KPNA3: variants seen among roughly 807,000 people sequenced by gnomAD.
KPNA3 encodes karyopherin subunit alpha 3.
KPNA3 carries 13 observed loss-of-function variants against 73.8 expected under a neutral mutation model. The ratio of observed to expected loss-of-function variants is 0.18; its 90% confidence interval spans 0.11 to 0.28. The LOEUF (loss-of-function observed/expected upper bound fraction) is 0.28. Among genes scored for constraint, KPNA3 ranks in the 10% least tolerant of loss-of-function variants. The pLI, the probability that KPNA3 is intolerant of heterozygous loss-of-function variation, is 1.00. For synonymous variants in KPNA3, 186 were observed against 206.9 expected, an observed-to-expected ratio of 0.90 and a Z score of 0.87; for missense variants, 360 against 618.1, an observed-to-expected ratio of 0.58 and a Z score of 4.43.
chr13:49,734,309 A>G (rs1162699191), intron 2 of KPNA3, among the ~76,000 whole-genome samples: 3 of 152,242 alleles, frequency 2.0e-5, no homozygotes, highest in African/African-American at 7.2e-5. Context: ...AAACGTTCAC[A>G]ACTATGAGGT....
chr13:49,731,068 C>G (rs1039963229), intron 6 of KPNA3, among the ~76,000 whole-genome samples: 24 of 151,636 alleles, frequency 1.6e-4, no homozygotes, highest in Non-Finnish European at 2.9e-5. Context: ...GTGTGAGCCA[C>G]TGCACCCAGC....
chr13:49,715,620 AG>A (rs1256780233), intron 10 of KPNA3, among the ~76,000 whole-genome samples: 1 of 152,258 alleles, frequency 6.6e-6, no homozygotes, highest in African/African-American at 2.4e-5. Context: ...ACAGTAAAAA[AG>A]AAAAGATATA....
chr13:49,761,664 G>T (rs1465182716), intron 1 of KPNA3, among the ~76,000 whole-genome samples: 1 of 137,172 alleles, frequency 7.3e-6, no homozygotes, highest in Non-Finnish European at 1.6e-5. Flanking sequence ...CCGCCACCCC[G>T]TCTGGGAAGT....
chr13:49,750,133 G>A (rs1192217532), intron 1 of KPNA3, among the ~76,000 whole-genome samples: 1 of 152,138 alleles, frequency 6.6e-6, no homozygotes, highest in African/African-American at 2.4e-5. Flanking sequence ...CAATACATTT[G>A]CCAACCGGGA....
intron 2 of KPNA3, among the ~76,000 whole-genome samples, chr13:49,737,374 G>A (rs990589898): frequency 6.6e-6 from 1 of 152,134 alleles, no homozygotes; most frequent in Non-Finnish European, 1.5e-5. Context: ...TGTCACTACT[G>A]TTTATTTTAG....
chr13:49,754,944 AAAG>A (rs1363897742), intron 1 of KPNA3, among the ~76,000 whole-genome samples: 3 of 152,190 alleles, frequency 2.0e-5, no homozygotes, highest in Non-Finnish European at 4.4e-5. Flanking sequence ...CCAAATGCCT[AAAG>A]AAGAACTAAC....
At chr13:49,753,900 T>C (rs1034665592) in intron 1 of KPNA3, among the ~76,000 whole-genome samples, 1 of 152,180 alleles carries the variant, frequency 6.6e-6, no homozygotes. Context: ...GCCATAAAGG[T>C]TGGGGACCAC....
At chr13:49,775,084 C>A (rs920798071) in intron 1 of KPNA3, among the ~76,000 whole-genome samples, 1 of 134,150 alleles carries the variant, frequency 7.5e-6, no homozygotes, top group African/African-American at 2.9e-5. Flanking sequence ...AACTGGGAGG[C>A]GGAGGTTGCA....
intron 1 of KPNA3, among the ~76,000 whole-genome samples, chr13:49,780,037 T>C (rs752262179): frequency 1.2e-4 from 19 of 152,166 alleles, no homozygotes; most frequent in Non-Finnish European, 5.9e-5. Flanking sequence ...ATTTGGTTCC[T>C]CAGGGTTCTT....
chr13:49,732,910 T>C, intron 3 of KPNA3, 47 bp downstream of exon 3: 1 of 1,413,892 alleles, frequency 7.1e-7, no homozygotes, highest in South Asian at 1.2e-5. Flanking sequence ...TTCTCACAGT[T>C]ACTATAAAAA....
At chr13:49,742,200 C>T (rs748169748) in intron 2 of KPNA3, among the ~76,000 whole-genome samples, 1 of 152,162 alleles carries the variant, frequency 6.6e-6, no homozygotes, top group Non-Finnish European at 1.5e-5. Flanking sequence ...CAACCAACTA[C>T]AAATTTGTGG....
chr13:49,736,214 T>C (rs1954520118), intron 2 of KPNA3, among the ~76,000 whole-genome samples: 1 of 152,166 alleles, frequency 6.6e-6, no homozygotes, highest in Non-Finnish European at 1.5e-5. Flanking sequence ...TAGGAAAATA[T>C]ACTCAATGAA....
chr13:49,755,065 T>TA (rs954278819), intron 1 of KPNA3, among the ~76,000 whole-genome samples: 40 of 145,504 alleles, frequency 2.7e-4, no homozygotes, highest in East Asian at 4.0e-4. Context: ...AAGACAGCAT[T>TA]AAAAAAAAAA....
chr13:49,778,397 T>A (rs1393265899), intron 1 of KPNA3, among the ~76,000 whole-genome samples: 1 of 151,128 alleles, frequency 6.6e-6, no homozygotes, highest in African/African-American at 2.5e-5. Flanking sequence ...TCTATACATC[T>A]TCTTCCACCA....
At chr13:49,701,952 T>C in intron 16 of KPNA3, 54 bp from the exon 17 acceptor site, 1 of 1,206,452 alleles carries the variant, frequency 8.3e-7, no homozygotes, top group South Asian at 1.3e-5. Context: ...TACATTATGA[T>C]GTAAGTGGAA....
intron 2 of KPNA3, among the ~76,000 whole-genome samples, chr13:49,739,561 C>G (rs781592351): frequency 6.6e-6 from 1 of 152,152 alleles, no homozygotes; most frequent in Non-Finnish European, 1.5e-5. Context: ...ACAATTCACA[C>G]GAAAGGAGTC....
chr13:49,786,314 C>A (rs1954982134), intron 1 of KPNA3, among the ~76,000 whole-genome samples: 1 of 152,180 alleles, frequency 6.6e-6, no homozygotes, highest in South Asian at 2.1e-4. Flanking sequence ...AGCTTCTCAA[C>A]AGAGCCCAAA....
In KPNA3 at chr13:49,779,005, T is replaced by A. The variant is rs970040072; in HGVS notation, c.69+13433A>T. On this transcript the variant is annotated intron_variant, in intron 1 of 16. Transcript: ENST00000261667. ...AAAACCTGGTTACCAACTAGATGAG[T>A]GGACAACATTCATTATTTTTCTACG... Among the ~76,000 whole-genome samples the A allele has an allele frequency of 2.0e-5, 3 of 152,112 alleles. No homozygotes were observed. In the South Asian group the frequency reaches 6.2e-4, roughly 31 times the overall value.
intron 1 of KPNA3, among the ~76,000 whole-genome samples, chr13:49,752,457 G>C (rs763122428): frequency 1.3e-5 from 2 of 152,168 alleles, no homozygotes; most frequent in Non-Finnish European, 2.9e-5. Context: ...ATAGGAAACA[G>C]AGTGTTGCTA....
Sources: gnomAD v4.1 joint callset for allele counts (sites outside exome capture counted in the v4.1 genomes callset) on GRCh38, gnomAD v4.1.1 for gene constraint, MANE v1.5 for transcripts, NCBI Gene and HGNC (gene_info 2026-07-23, HGNC 2026-07-21) for gene names.